Variants in ARHGAP33 observed in about 807,000 individuals in gnomAD.
ARHGAP33 encodes the protein rho GTPase-activating protein 33.
Under a neutral mutation model 126.2 loss-of-function variants are expected in ARHGAP33, and 57 were observed. That is an observed-to-expected ratio of 0.45 (90% CI 0.36 to 0.56). The LOEUF (loss-of-function observed/expected upper bound fraction) is 0.56. ARHGAP33 is among the 20% of genes least tolerant of loss of function. ARHGAP33 has a pLI of 0.00. For synonymous variants in ARHGAP33, 711 were observed against 755.0 expected (o/e 0.94, Z 0.95); for missense variants, 1,500 against 1,748.3 (o/e 0.86, Z 2.53).
intron 5 of ARHGAP33, 187 bp from the exon 6 acceptor site, chr19:35,778,845 A>G: frequency 6.5e-6 from 5 of 766,446 alleles, no homozygotes; most frequent in Non-Finnish European, 1.0e-5. Context: ...CATGCCAACC[A>G]GGGTACTCAA....
rs750948549 is a variant in ARHGAP33 at position 35,788,178 on chromosome 19, C to T, written c.3613C>T (p.Arg1205Cys). ...SRSDPGPPVPRLPQKQRAPWG... is the reference protein window; with the variant it reads ...SRSDPGPPVPCLPQKQRAPWG... ...TTCAGATCCCGGTCCCCCAGTCCCC[C>T]GCCTTCCCCAGAAACAACGGGCACC... is the stretch of plus-strand genomic sequence containing the variant. Residue 1205 changes from arginine (R) to cysteine (C), a missense_variant, in exon 21 of 21, where the codon CGC becomes TGC. This residue lies in a region of ARHGAP33 where 642 missense variants were observed against 634.0 expected (regional missense o/e 1.01). Coordinates refer to ENST00000007510, the MANE Select transcript of ARHGAP33 (RefSeq NM_001366178.1). 32 of 1,608,604 alleles carry T rather than the reference C, an allele frequency of 2.0e-5. No individual in the cohort carries two copies. Among genetic ancestry groups the T allele is most frequent in the Non-Finnish European group, 2.2e-5 (26 of 1,178,144 alleles).
In ARHGAP33 at chr19:35,780,567, C is replaced by T. The variant is rs199738368; in HGVS notation, c.703-15C>T. On this transcript the variant is annotated splice_polypyrimidine_tract_variant and intron_variant, in intron 8 of 20. Transcript: ENST00000007510. Reference sequence around the variant, plus strand: ...CAACTGGGGTGGCCCAGCTACTGACCCTGACCTTCCTCAGGTCGGGTTCTT... The same window carrying T: ...CAACTGGGGTGGCCCAGCTACTGACTCTGACCTTCCTCAGGTCGGGTTCTT... 7.2e-4 allele frequency: 1,167 copies of T among 1,613,668 alleles called. 9 individuals carry two copies. Among genetic ancestry groups the T allele is most frequent in the South Asian group, 6.8e-3 (619 of 91,066 alleles).
At position 35,778,954 on chromosome 19, in the gene ARHGAP33, C is replaced by G. The variant is rs909353570; in HGVS notation, c.409-78C>G. The G allele has an allele frequency of 4.9e-6, 6 of 1,221,982 alleles. No homozygotes were observed. The Admixed American group carries it at 6.0e-5, about 12-fold the overall frequency. The allele number at this position is 1,221,982 out of a possible 1,614,324, so 75.7% of individuals were successfully genotyped here. The stretch of plus-strand genomic sequence containing the variant: ...TTCAGGATGAACTTCAGCCCAGAGA[C>G]GAGCTAGGGCAGTGTGGGAGGGCAG... On this transcript the variant is annotated intron_variant, in intron 5 of 20. Transcript: ENST00000007510.
At chr19:35,778,015 T>G in intron 3 of ARHGAP33, 107 bp downstream of exon 3, 1 of 1,350,204 alleles carries the variant, frequency 7.4e-7, no homozygotes, top group Non-Finnish European at 1.0e-6. Flanking sequence ...GACTGGCTGC[T>G]GCACGCGTCT....
At chr19:35,778,641 G>A (rs748362553) in intron 5 of ARHGAP33, 40 bp downstream of exon 5, 2 of 1,594,200 alleles carry the variant, frequency 1.3e-6, no homozygotes, top group Non-Finnish European at 8.5e-7. Context: ...TCATGAGTGT[G>A]TCCTCATCCA....
rs200811520 is a variant in ARHGAP33 at position 35,787,238 on chromosome 19, G to A, written c.2673G>A (p.Pro891=). ...SLLRPGGAPP[P]PPKNPARLMA... is the part of the protein sequence containing the mutation. Reference sequence around the variant, plus strand: ...TGCGCCCTGGGGGTGCCCCACCCCCGCCCCCTAAGAACCCAGCACGCCTCA... The same window carrying A: ...TGCGCCCTGGGGGTGCCCCACCCCCACCCCCTAAGAACCCAGCACGCCTCA... The change falls in exon 21 of 21, where the codon CCG becomes CCA. Residue 891 remains proline (P), a synonymous_variant. Coordinates refer to ENST00000007510, the MANE Select transcript of ARHGAP33 (RefSeq NM_001366178.1). The A allele has an allele frequency of 1.0e-4, 127 of 1,255,742 alleles. No individual in the cohort carries two copies. Among genetic ancestry groups the A allele is most frequent in the Middle Eastern group, 1.9e-4 (1 of 5,318 alleles). The allele number at this position is 1,255,742 out of a possible 1,614,324, so 77.8% of individuals were successfully genotyped here. A position where few individuals can be genotyped will look rare whatever the true frequency, so the allele number is the denominator to read the frequency against.
chr19:35,776,733 A>T (rs1971479028), intron 1 of ARHGAP33, among the ~76,000 whole-genome samples: 1 of 152,240 alleles, frequency 6.6e-6, no homozygotes, highest in African/African-American at 2.4e-5. Context: ...GGCCGGTCAT[A>T]GTCCAATGAG....
Position 35,784,160 on chromosome 19 carries a change from C to T in ARHGAP33, c.1422-12C>T. On this transcript the variant is annotated splice_polypyrimidine_tract_variant and intron_variant, in intron 15 of 20. Coordinates refer to ENST00000007510, the MANE Select transcript of ARHGAP33 (RefSeq NM_001366178.1). ...CAAGGCACCCAGCCTCCCTCCCGCT[C>T]CTCCCACCCAGGTCCATGGAGCTGG... The T allele has an allele frequency of 1.2e-6, 2 of 1,606,174 alleles. No homozygotes were observed. Among genetic ancestry groups the T allele is most frequent in the Non-Finnish European group, 1.7e-6 (2 of 1,175,336 alleles).
In ARHGAP33 at chr19:35,788,210, A is replaced by G. The variant is rs1972228608; in HGVS notation, c.3645A>G (p.Gly1215=). 1 of 1,590,038 alleles carries G rather than the reference A, an allele frequency of 6.3e-7. No homozygotes were observed. Among genetic ancestry groups the G allele is most frequent in the Non-Finnish European group, 8.5e-7 (1 of 1,171,406 alleles). ...CCCAGAAACAACGGGCACCCTGGGG[A>G]CCCCGTACCCCTCATAGGGTGCCGG... ...RLPQKQRAPW[G]PRTPHRVPGP... is the part of the protein sequence containing the mutation. The change falls in exon 21 of 21, where the codon GGA becomes GGG. Residue 1215 remains glycine, a synonymous_variant. Transcript: ENST00000007510.
Position 35,780,430 on chromosome 19 carries a change from A to G in ARHGAP33, c.634A>G (p.Ile212Val). The G allele has an allele frequency of 6.3e-7, 1 of 1,594,508 alleles. No homozygotes were observed. Among genetic ancestry groups the G allele is most frequent in the Non-Finnish European group, 8.6e-7 (1 of 1,167,726 alleles). ...PDELSFEVGD[I>V]VSVIDMPPTE... ...ACCCGCCCTCTCCCAGGTGGGAGAC[A>G]TTGTCTCGGTGATCGACATGCCACC... The change falls in exon 8 of 21, where the codon ATT becomes GTT. Residue 212 changes from isoleucine to valine, a missense_variant. This residue lies in a region of ARHGAP33 where 75 missense variants were observed against 152.7 expected (regional missense o/e 0.49). Transcript: ENST00000007510.
chr19:35,783,503 T>C (rs1639347065), intron 15 of ARHGAP33, among the ~76,000 whole-genome samples: 1 of 152,024 alleles, frequency 6.6e-6, no homozygotes, highest in African/African-American at 2.4e-5. Flanking sequence ...GGGCCCCAGG[T>C]GCGCACGTGG....
Position 35,782,361 on chromosome 19 carries a change from CG to C in ARHGAP33, c.1086-10del, listed in dbSNP as rs1568426734. 2 of 1,595,482 alleles carry C rather than the reference CG, an allele frequency of 1.3e-6. No individual in the cohort carries two copies. Among genetic ancestry groups the C allele is most frequent in the Non-Finnish European group, 1.7e-6 (2 of 1,165,336 alleles). On this transcript the variant is annotated splice_polypyrimidine_tract_variant and intron_variant, in intron 12 of 20. Transcript: ENST00000007510. The surrounding 1 kb of genome is among the most constrained non-coding windows in gnomAD (Gnocchi z 4.1). ...ACCTGGATCTTCCTCCTCCTTGACA[CG>C]GTGGTCTCAGGCACGAGTTTGACAG... is the stretch of plus-strand genomic sequence containing the variant.
rs745687277 is a variant in ARHGAP33 at position 35,786,392 on chromosome 19, T to C, written c.1943-21T>C. On this transcript the variant is annotated intron_variant, in intron 19 of 20. Coordinates refer to ENST00000007510, the MANE Select transcript of ARHGAP33 (RefSeq NM_001366178.1). This position sits in a 1 kb window ranked among gnomAD's most constrained non-coding sequence, Gnocchi z 7.0. ...GTGCGCCCTGTTCTCAGGGATGGTC[T>C]CACTGACCCCACCCCTCCAGGCCTC... 9 of 1,516,508 alleles carry C rather than the reference T, an allele frequency of 5.9e-6. No homozygotes were observed. The South Asian group carries it at 1.1e-4, about 19-fold the overall frequency. The allele number at this position is 1,516,508 out of a possible 1,614,324, so 93.9% of individuals were successfully genotyped here.
At chr19:35,779,284 ATGTG>A (rs1599776342) in intron 6 of ARHGAP33, 160 bp downstream of exon 6, 1 of 608,278 alleles carries the variant, frequency 1.6e-6, no homozygotes, top group Admixed American at 3.0e-5. Context: ...CTGTGAGAGA[ATGTG>A]TGTGAGCATG....
rs1290365281 is a variant in ARHGAP33, at chr19:35,784,985, G to A, written c.1600G>A (p.Ala534Thr). 2 of 1,545,438 alleles carry A rather than the reference G, an allele frequency of 1.3e-6. No individual in the cohort carries two copies. Among genetic ancestry groups the A allele is most frequent in the East Asian group, 4.9e-5 (2 of 40,932 alleles). Residue 534 changes from alanine to threonine, a missense_variant, in exon 17 of 21, where the codon GCG (alanine) becomes ACG (threonine). Ala to Thr is a moderately conservative substitution (Grantham distance 58). This residue lies in a region of ARHGAP33 where 300 missense variants were observed against 291.1 expected (regional missense o/e 1.03). Coordinates refer to ENST00000007510, the MANE Select transcript of ARHGAP33 (RefSeq NM_001366178.1). Reference sequence around the variant, plus strand: ...CCTGCTCCCCAGGCCCAAGTCCCTTGCGGGCAGCTGCCCCTCCACCCGCCT... The same window carrying A: ...CCTGCTCCCCAGGCCCAAGTCCCTTACGGGCAGCTGCCCCTCCACCCGCCT... The part of the protein sequence containing the change: ...RCLLPRPKSL[A>T]GSCPSTRLLT...
Position 35,787,313 on chromosome 19 carries a change from C to T in ARHGAP33, c.2748C>T (p.Ser916=), listed in dbSNP as rs148307360. 1,947 of 1,612,560 alleles carry T rather than the reference C, an allele frequency of 1.2e-3. 11 individuals are homozygous for T. Among genetic ancestry groups the T allele is most frequent in the South Asian group, 5.6e-3 (506 of 91,042 alleles). Residue 916 remains serine, a synonymous_variant, in exon 21 of 21, where the codon AGC becomes AGT. Coordinates refer to ENST00000007510, the MANE Select transcript of ARHGAP33 (RefSeq NM_001366178.1). ...ERAQQVAEQQ[S]QQECGGTPPA... Reference sequence around the variant, plus strand: ...CTCAGCAGGTGGCCGAGCAACAGAGCCAGCAGGAGTGTGGGGGCACCCCAC... The same window carrying T: ...CTCAGCAGGTGGCCGAGCAACAGAGTCAGCAGGAGTGTGGGGGCACCCCAC...
In ARHGAP33 at chr19:35,788,783, A is replaced by C; in HGVS notation, c.*354A>C. On this transcript the variant is annotated 3_prime_UTR_variant, in exon 21 of 21. Coordinates refer to ENST00000007510, the MANE Select transcript of ARHGAP33 (RefSeq NM_001366178.1). Reference sequence around the variant, plus strand: ...CTTCTTTCCCCACATGCCCCACTAAACCATCTGACAACATTAATGAATAAA... The same window carrying C: ...CTTCTTTCCCCACATGCCCCACTAACCCATCTGACAACATTAATGAATAAA... 8.9e-6 allele frequency: 2 copies of C among 224,966 alleles called. No homozygotes were observed. Among genetic ancestry groups the C allele is most frequent in the Non-Finnish European group, 8.7e-6 (1 of 114,494 alleles). The allele number at this position is 224,966 out of a possible 1,614,324, so 13.9% of individuals were successfully genotyped here. A position where few individuals can be genotyped will look rare whatever the true frequency, so the allele number is the denominator to read the frequency against.
intron 3 of ARHGAP33, 26 bp downstream of exon 3, chr19:35,777,934 AGGAGG>A (rs1398853287): frequency 6.2e-7 from 1 of 1,610,578 alleles, no homozygotes; most frequent in East Asian, 2.2e-5. Context: ...ATTTGCACCC[AGGAGG>A]GAAGACAATA....
At position 35,778,458 on chromosome 19, in the gene ARHGAP33, C is replaced by T. The variant is rs1269561905; in HGVS notation, c.271-6C>T. 5 of 1,614,084 alleles carry T rather than the reference C, an allele frequency of 3.1e-6. No individual in the cohort carries two copies. Among genetic ancestry groups the T allele is most frequent in the African/African-American group, 1.3e-5 (1 of 74,950 alleles). On this transcript the variant is annotated splice_region_variant and splice_polypyrimidine_tract_variant and intron_variant, in intron 4 of 20. Coordinates refer to ENST00000007510, the MANE Select transcript of ARHGAP33 (RefSeq NM_001366178.1). The stretch of plus-strand genomic sequence containing the variant: ...CCTGCTCCCTTCTGTCCCTCTGCTC[C>T]CACAGGGCCGTTCCTGGCCGGTTCT...
Sources: gnomAD v4.1 joint callset for allele counts (sites outside exome capture counted in the v4.1 genomes callset) on GRCh38, gnomAD v4.1.1 for gene constraint, gnomAD v4.1.1 regional missense constraint, Gnocchi (gnomAD v3.1) non-coding constraint, MANE v1.5 for transcripts, NCBI Gene and HGNC (gene_info 2026-07-23, HGNC 2026-07-21) for gene names.